HECW1: variants seen among roughly 807,000 people sequenced by gnomAD.
HECW1 encodes the protein E3 ubiquitin-protein ligase HECW1.
HECW1 carries 61 observed loss-of-function variants against 182.3 expected under a neutral mutation model. That is an observed-to-expected ratio of 0.33 (90% CI 0.27 to 0.41). The LOEUF (loss-of-function observed/expected upper bound fraction) is 0.41. Ranked by LOEUF, HECW1 falls within the 10% of genes least tolerant of loss-of-function variation. The pLI is 1.00. For missense variants in HECW1, 1,739 were observed against 2,108.9 expected, an observed-to-expected ratio of 0.82 and a Z score of 3.44; for synonymous variants, 859 against 832.6, an observed-to-expected ratio of 1.03 and a Z score of -0.55.
chr7:43,218,942 C>T (rs185290466), intron 2 of HECW1, among the ~76,000 whole-genome samples: 1 of 152,150 alleles, frequency 6.6e-6, no homozygotes, highest in East Asian at 1.9e-4. Flanking sequence ...GAGAGCAGTG[C>T]CGGGGAGCCA....
Position 43,541,901 on chromosome 7 carries a change from A to T in HECW1, c.4151A>T (p.Asp1384Val). 1 of 1,544,770 alleles carries T rather than the reference A, an allele frequency of 6.5e-7. No homozygotes were observed. Among genetic ancestry groups the T allele is most frequent in the East Asian group, 2.4e-5 (1 of 41,764 alleles). The change falls in exon 26 of 30, where the codon GAT becomes GTT. Residue 1384 changes from aspartate (D) to valine (V), a missense_variant. Coordinates refer to ENST00000395891, the MANE Select transcript of HECW1 (RefSeq NM_015052.5). ...GATTTGAGTGACCTGGAATATTTGGATGAGGAATTCCACCAGAGTTTGCAG... is the reference window on the plus strand; with the variant it reads ...GATTTGAGTGACCTGGAATATTTGGTTGAGGAATTCCACCAGAGTTTGCAG... ...PCDLSDLEYL[D>V]EEFHQSLQWM...
At chr7:43,303,486 T>C (rs1225756902) in intron 3 of HECW1, among the ~76,000 whole-genome samples, 1 of 151,998 alleles carries the variant, frequency 6.6e-6, no homozygotes, top group Non-Finnish European at 1.5e-5. Context: ...TTTAACAAGT[T>C]CCTTGTATTT....
At chr7:43,511,646 A>C (rs1224842943) in intron 24 of HECW1, 1 of 153,340 alleles carries the variant, frequency 6.5e-6, no homozygotes. Flanking sequence ...TTTCAACAGG[A>C]AGCCCTGATC....
In HECW1 at chr7:43,175,902, A is replaced by T. The variant is rs775531390; in HGVS notation, c.-32+61511A>T. Among the ~76,000 whole-genome samples the T allele has an allele frequency of 2.6e-4, 40 of 152,044 alleles. 1 individual carries two copies. Among genetic ancestry groups the T allele is most frequent in the Admixed American group, 9.8e-4 (15 of 15,270 alleles). On this transcript the variant is annotated intron_variant, in intron 2 of 29. Coordinates refer to ENST00000395891, the MANE Select transcript of HECW1 (RefSeq NM_015052.5). ...TGCCACCTTTTCAATACCTAATTAT[A>T]TCTCAAGTCTTAAATTTCTCTTACC... is the stretch of plus-strand genomic sequence containing the variant.
intron 8 of HECW1, among the ~76,000 whole-genome samples, chr7:43,428,246 G>T (rs974752565): frequency 2.0e-5 from 3 of 152,168 alleles, no homozygotes; most frequent in African/African-American, 7.2e-5. Flanking sequence ...GGTGTGAGTT[G>T]GGCTTTGAGT....
intron 2 of HECW1, among the ~76,000 whole-genome samples, chr7:43,137,318 G>A (rs1041895760): frequency 1.3e-5 from 2 of 152,082 alleles, no homozygotes; most frequent in Admixed American, 1.3e-4. Flanking sequence ...TCTCTTCCCT[G>A]TGATCTGCAG....
At chr7:43,323,782 C>T (rs1331456441) in intron 5 of HECW1, among the ~76,000 whole-genome samples, 2 of 152,106 alleles carry the variant, frequency 1.3e-5, no homozygotes, top group African/African-American at 4.8e-5. Context: ...AATCCCAGCA[C>T]TTTGGGAGGC....
At chr7:43,488,431 AAAG>A (rs2152916162) in intron 17 of HECW1, among the ~76,000 whole-genome samples, 1 of 108,330 alleles carries the variant, frequency 9.2e-6, no homozygotes, top group South Asian at 3.4e-4. Context: ...AGAAAGAAAG[AAAG>A]AGAAAGAAAG....
chr7:43,497,614 G>A (rs1221264558), intron 19 of HECW1, among the ~76,000 whole-genome samples: 1 of 152,188 alleles, frequency 6.6e-6, no homozygotes, highest in Non-Finnish European at 1.5e-5. Context: ...CAGGGGCTAT[G>A]CAGGAGACTA....
chr7:43,469,122 T>G lies in HECW1; in HGVS notation c.3099+17T>G. ...CAGGGAAAGGTGAGTGTGACCCACG[T>G]GCGGGGCTTTCATCAAACAGGCTCC... On this transcript the variant is annotated intron_variant, in intron 16 of 29. Transcript: ENST00000395891. 1 of 1,610,826 alleles carries G rather than the reference T, an allele frequency of 6.2e-7. No homozygotes were observed. The highest frequency in any genetic ancestry group is 8.5e-7 in the Non-Finnish European group (1 of 1,178,268).
chr7:43,167,870 T>A (rs1227646168), intron 2 of HECW1, among the ~76,000 whole-genome samples: 1 of 152,136 alleles, frequency 6.6e-6, no homozygotes, highest in Non-Finnish European at 1.5e-5. Context: ...GGAAACAAAT[T>A]GAGGCTTGGA....
intron 2 of HECW1, among the ~76,000 whole-genome samples, chr7:43,198,656 C>A (rs892078575): frequency 5.3e-5 from 8 of 150,224 alleles, no homozygotes; most frequent in African/African-American, 2.0e-4. Flanking sequence ...CTCTATCTCA[C>A]ACACACCCCC....
chr7:43,499,091 C>T (rs1369416987), intron 19 of HECW1, among the ~76,000 whole-genome samples: 1 of 151,552 alleles, frequency 6.6e-6, no homozygotes, highest in African/African-American at 2.4e-5. Context: ...GACCAGCCTG[C>T]GCAACATGGT....
At chr7:43,397,885 A>T (rs895357507) in intron 7 of HECW1, among the ~76,000 whole-genome samples, 9 of 152,218 alleles carry the variant, frequency 5.9e-5, no homozygotes, top group Non-Finnish European at 1.2e-4. Context: ...TAATAATGGG[A>T]CAAACTGGGC....
At chr7:43,253,851 T>G (rs1800290874) in intron 3 of HECW1, among the ~76,000 whole-genome samples, 1 of 151,712 alleles carries the variant, frequency 6.6e-6, no homozygotes, top group Admixed American at 6.6e-5. Context: ...GAGGTTGCAG[T>G]GAGCCAAGAT....
chr7:43,466,608 C>G (rs760216335), intron 15 of HECW1, 40 bp downstream of exon 15: 1 of 1,599,482 alleles, frequency 6.3e-7, no homozygotes, highest in African/African-American at 1.3e-5. Flanking sequence ...CCTGGCTCGG[C>G]AAGACCCAAA....
At chr7:43,378,811 A>C (rs996559018) in intron 6 of HECW1, among the ~76,000 whole-genome samples, 2 of 117,632 alleles carry the variant, frequency 1.7e-5, no homozygotes, top group African/African-American at 5.4e-5. Flanking sequence ...CTCAAAAAAC[A>C]AAAATAAAAA....
intron 2 of HECW1, among the ~76,000 whole-genome samples, chr7:43,123,881 A>T (rs916911587): frequency 6.6e-6 from 1 of 152,240 alleles, no homozygotes; most frequent in African/African-American, 2.4e-5. Context: ...TAAACGGCAC[A>T]TATTGTCTTA....
rs762468538 is a variant in HECW1 at position 43,444,658 on chromosome 7, C to T, written c.1486C>T (p.Arg496Trp). 2.5e-6 allele frequency: 4 copies of T among 1,606,180 alleles called. No homozygotes were observed. Among genetic ancestry groups the T allele is most frequent in the Non-Finnish European group, 3.4e-6 (4 of 1,176,242 alleles). ...GGAGGAGGAAGCAACGACCCAGAGC[C>T]GGGCTGGAAGGGAAGAAGAGGAGAA... The part of the protein sequence containing the change: ...PLEEEATTQS[R>W]AGREEEEKEQ... The change falls in exon 11 of 30, where the codon CGG (arginine) becomes TGG (tryptophan). Residue 496 changes from arginine (R) to tryptophan (W), a missense_variant. Coordinates refer to ENST00000395891, the MANE Select transcript of HECW1 (RefSeq NM_015052.5). The surrounding 1 kb of genome is among the most constrained non-coding windows in gnomAD (Gnocchi z 4.3).
Sources: allele counts gnomAD v4.1 joint callset (sites outside exome capture counted in the v4.1 genomes callset), GRCh38; gene constraint gnomAD v4.1.1; non-coding constraint Gnocchi (gnomAD v3.1); transcripts MANE v1.5; gene names NCBI Gene and HGNC (gene_info 2026-07-23, HGNC 2026-07-21).